ZC3H12C: variants seen among roughly 807,000 people sequenced by gnomAD.
ZC3H12C encodes zinc finger CCCH-type containing 12C, also known as probable ribonuclease ZC3H12C.
Under a neutral mutation model 76.3 loss-of-function variants are expected in ZC3H12C, and 20 were observed. That is an observed-to-expected ratio of 0.26 (90% CI 0.18 to 0.38). The LOEUF (loss-of-function observed/expected upper bound fraction) is 0.38, where lower values mean the gene tolerates loss of function less well. ZC3H12C is among the 10% of genes least tolerant of loss of function. ZC3H12C has a pLI of 1.00. For synonymous variants in ZC3H12C, 352 were observed against 399.6 expected, an observed-to-expected ratio of 0.88 and a Z score of 1.42; for missense variants, 874 against 1,086.5, an observed-to-expected ratio of 0.80 and a Z score of 2.75.
intron 2 of ZC3H12C, among the ~76,000 whole-genome samples, chr11:110,140,208 C>G (rs191655913): frequency 6.6e-6 from 1 of 151,930 alleles, no homozygotes; most frequent in South Asian, 2.1e-4. Flanking sequence ...GAGGATGGAA[C>G]GAGCCTGGAA....
chr11:110,150,059 TA>T (rs1382664307), intron 2 of ZC3H12C, among the ~76,000 whole-genome samples: 1 of 152,170 alleles, frequency 6.6e-6, no homozygotes, highest in Non-Finnish European at 1.5e-5. Context: ...AATGCAGTTT[TA>T]TTTTTTCCAC....
In ZC3H12C at chr11:110,131,586, T is replaced by C. The variant is rs527303326; in HGVS notation, c.22-5077T>C. The C allele has an allele frequency of 3.4e-3, 526 of 154,778 alleles. 6 individuals carry two copies. The highest frequency in any genetic ancestry group is 4.6e-3 in the Non-Finnish European group (320 of 69,834). The allele number at this position is 154,778 out of a possible 1,614,324, so 9.6% of individuals were successfully genotyped here. On this transcript the variant is annotated intron_variant, in intron 1 of 5. Transcript: ENST00000278590. Reference sequence around the variant, plus strand: ...ATGTCTCAACTTGTTTTAGATGCGATGATTAAGCATTCAGTTGCTTTGTCA... The same window carrying C: ...ATGTCTCAACTTGTTTTAGATGCGACGATTAAGCATTCAGTTGCTTTGTCA...
chr11:110,114,614 C>T (rs1008877617), intron 1 of ZC3H12C, among the ~76,000 whole-genome samples: 1 of 152,106 alleles, frequency 6.6e-6, no homozygotes, highest in Non-Finnish European at 1.5e-5. Flanking sequence ...AATCGTGGAC[C>T]ATGCTGCTAT....
rs138332383 is a variant in ZC3H12C at position 110,122,327 on chromosome 11, G to A, written c.22-14336G>A. Among the ~76,000 whole-genome samples, 9 of 152,132 alleles carry A rather than the reference G, an allele frequency of 5.9e-5. No individual in the cohort carries two copies. In the East Asian group the frequency reaches 1.7e-3, roughly 29 times the overall value. On this transcript the variant is annotated intron_variant, in intron 1 of 5. Transcript: ENST00000278590. ...ATATCTTATGTAGACATTTTCTTTT[G>A]TATAAAATACGCATTTTTGGTCATC...
At chr11:110,122,837 G>A (rs921586012) in intron 1 of ZC3H12C, among the ~76,000 whole-genome samples, 2 of 152,132 alleles carry the variant, frequency 1.3e-5, no homozygotes, top group African/African-American at 2.4e-5. Context: ...TTCAACTTAA[G>A]ATGGGTTTGT....
At position 110,159,432 on chromosome 11, in the gene ZC3H12C, C is replaced by T; in HGVS notation, c.1090C>T (p.Pro364Ser). Residue 364 changes from proline to serine, a missense_variant, in exon 4 of 6, where the codon CCA (proline) becomes TCA (serine). Physicochemically the swap from Pro to Ser is moderately conservative, Grantham distance 74 (BLOSUM62 -1). Around this residue, in one of 3 missense-constraint regions of ZC3H12C, gnomAD observed 269 missense variants for 424.9 expected, o/e 0.63. Transcript: ENST00000278590. ...CTACAGGGACTTGGCTAATGAGAAG[C>T]CAGAATGGAAGAAGTTCATAGATGA... ...DNYRDLANEK[P>S]EWKKFIDERL... 6.2e-7 allele frequency: 1 copy of T among 1,613,616 alleles called. No homozygotes were observed. Among genetic ancestry groups the T allele is most frequent in the South Asian group, 1.1e-5 (1 of 90,968 alleles).
chr11:110,100,659 T>C (rs775961949), intron 1 of ZC3H12C, among the ~76,000 whole-genome samples: 2 of 152,180 alleles, frequency 1.3e-5, no homozygotes, highest in Non-Finnish European at 2.9e-5. Flanking sequence ...ATGTCACTAC[T>C]GTAATTTTGG....
At chr11:110,103,150 T>A (rs1861250098) in intron 1 of ZC3H12C, among the ~76,000 whole-genome samples, 1 of 152,176 alleles carries the variant, frequency 6.6e-6, no homozygotes, top group Non-Finnish European at 1.5e-5. Context: ...CAATAATACA[T>A]GCCAAGCAGA....
intron 1 of ZC3H12C, among the ~76,000 whole-genome samples, chr11:110,107,412 T>C (rs1861350095): frequency 6.6e-6 from 1 of 152,178 alleles, no homozygotes; most frequent in Non-Finnish European, 1.5e-5. Flanking sequence ...AGACAGGATC[T>C]CACTCTGTCA....
Position 110,167,341 on chromosome 11 carries a change from T to G in ZC3H12C, c.*1604T>G, listed in dbSNP as rs551921732. On this transcript the variant is annotated 3_prime_UTR_variant, in exon 6 of 6. Coordinates refer to ENST00000278590, the MANE Select transcript of ZC3H12C (RefSeq NM_033390.2). Reference sequence around the variant, plus strand: ...TAGTTAAAACACAAGTATGTAACTATGATTAGACTTTTGGGCAACATTTTA... The same window carrying G: ...TAGTTAAAACACAAGTATGTAACTAGGATTAGACTTTTGGGCAACATTTTA... 1.3e-5 allele frequency: 2 copies of G among 152,308 alleles called. No homozygotes were observed. Among genetic ancestry groups the G allele is most frequent in the South Asian group, 4.1e-4 (2 of 4,826 alleles). 9.4% of individuals were successfully genotyped at this position (152,308 alleles called of 1,614,324 possible).
chr11:110,105,261 T>C (rs1861301114), intron 1 of ZC3H12C, among the ~76,000 whole-genome samples: 1 of 152,220 alleles, frequency 6.6e-6, no homozygotes, highest in Non-Finnish European at 1.5e-5. Context: ...GATGGCCTCA[T>C]TGAGTTGATG....
Position 110,165,610 on chromosome 11 carries a change from A to G in ZC3H12C, c.2525A>G (p.Tyr842Cys). ...PRYQDNREKI[Y>C]INLCNIFPPD... is the part of the protein sequence containing the mutation. ...TATCAAGACAACCGAGAAAAGATTT[A>G]TATCAATTTGTGCAACATCTTCCCC... is the stretch of plus-strand genomic sequence containing the variant. Residue 842 changes from tyrosine to cysteine, a missense_variant, in exon 6 of 6, where the codon TAT becomes TGT. Physicochemically the swap from Tyr to Cys is radical, Grantham distance 194. Coordinates refer to ENST00000278590, the MANE Select transcript of ZC3H12C (RefSeq NM_033390.2). 2.5e-6 allele frequency: 4 copies of G among 1,603,712 alleles called. No individual in the cohort carries two copies. Among genetic ancestry groups the G allele is most frequent in the South Asian group, 1.1e-5 (1 of 89,042 alleles).
chr11:110,157,233 T>C (rs1042677723), intron 3 of ZC3H12C, among the ~76,000 whole-genome samples: 2 of 151,478 alleles, frequency 1.3e-5, no homozygotes, highest in Non-Finnish European at 2.9e-5. Context: ...CAAAATTAAG[T>C]TGAAGAGCAC....
intron 1 of ZC3H12C, among the ~76,000 whole-genome samples, chr11:110,096,866 A>G (rs973176527): frequency 6.6e-6 from 1 of 152,248 alleles, no homozygotes; most frequent in African/African-American, 2.4e-5. Flanking sequence ...AGTTCACTAC[A>G]GAGACAAATC....
chr11:110,107,640 C>G (rs1412782246), intron 1 of ZC3H12C, among the ~76,000 whole-genome samples: 1 of 152,098 alleles, frequency 6.6e-6, no homozygotes, highest in Non-Finnish European at 1.5e-5. Flanking sequence ...AATCTCCTGC[C>G]TCAGCCTCCT....
intron 1 of ZC3H12C, chr11:110,131,189 A>G (rs1861859210): frequency 9.7e-7 from 1 of 1,030,964 alleles, no homozygotes; most frequent in African/African-American, 1.6e-5. Flanking sequence ...TGTAAAAGAA[A>G]TCACCTCCAA....
chr11:110,098,128 A>T (rs1451557716), intron 1 of ZC3H12C, among the ~76,000 whole-genome samples: 1 of 152,168 alleles, frequency 6.6e-6, no homozygotes, highest in Non-Finnish European at 1.5e-5. Flanking sequence ...ACCGCCCCTG[A>T]AGACCTTCCA....
chr11:110,123,371 G>T (rs1220821552), intron 1 of ZC3H12C, among the ~76,000 whole-genome samples: 1 of 152,134 alleles, frequency 6.6e-6, no homozygotes, highest in African/African-American at 2.4e-5. Context: ...AACACTAAAT[G>T]GGAAACTAAT....
At chr11:110,142,030 C>T (rs2134181731) in intron 2 of ZC3H12C, among the ~76,000 whole-genome samples, 1 of 152,262 alleles carries the variant, frequency 6.6e-6, no homozygotes. Context: ...TAAATTCCCT[C>T]TAGGTGAGTG....
Sources: allele counts gnomAD v4.1 joint callset (sites outside exome capture counted in the v4.1 genomes callset), GRCh38; gene constraint gnomAD v4.1.1; regional missense constraint gnomAD v4.1.1; transcripts MANE v1.5; gene names NCBI Gene and HGNC (gene_info 2026-07-23, HGNC 2026-07-21).